SUPT6H: variants seen among roughly 807,000 people sequenced by gnomAD.
SUPT6H encodes the protein SPT6 homolog, histone chaperone and transcription elongation factor.
Under a neutral mutation model 222.3 loss-of-function variants are expected in SUPT6H, and 11 were observed. The ratio of observed to expected loss-of-function variants is 0.05; its 90% CI spans 0.03 to 0.08. SUPT6H has a LOEUF of 0.08. SUPT6H is among the 10% of genes least tolerant of loss of function. SUPT6H has a pLI of 1.00. For missense variants in SUPT6H, 1,422 were observed against 2,216.0 expected, an observed-to-expected ratio of 0.64 and a Z score of 7.19; for synonymous variants, 762 against 801.2, an observed-to-expected ratio of 0.95 and a Z score of 0.83.
At chr17:28,673,324 A>G (rs995369186) in intron 1 of SUPT6H, 47 bp from the exon 2 acceptor site, 1 of 1,190,486 alleles carries the variant, frequency 8.4e-7, no homozygotes, top group African/African-American at 1.5e-5. Flanking sequence ...AGCCCTCTGT[A>G]CAATCATGTG....
chr17:28,684,781 T>G, intron 18 of SUPT6H, 56 bp downstream of exon 18: 1 of 1,613,022 alleles, frequency 6.2e-7, no homozygotes, highest in Non-Finnish European at 8.5e-7. Context: ...AATTTCATTT[T>G]TCTCTCATTC....
Position 28,681,969 on chromosome 17 carries a change from G to A in SUPT6H, c.1586G>A (p.Ser529Asn), listed in dbSNP as rs1371202612. 4 of 1,604,694 alleles carry A rather than the reference G, an allele frequency of 2.5e-6. No individual in the cohort carries two copies. The highest frequency in any genetic ancestry group is 1.7e-4 in the Middle Eastern group (1 of 5,958). Residue 529 changes from serine (S) to asparagine (N), a missense_variant, in exon 13 of 37, where the codon AGT (serine) becomes AAT (asparagine). By Grantham distance (46) the Ser-to-Asn change is conservative. This residue lies in a region of SUPT6H where 389 missense variants were observed against 544.6 expected (regional missense o/e 0.71). Coordinates refer to ENST00000314616, the MANE Select transcript of SUPT6H (RefSeq NM_003170.5). ...CGAGACATGTACACCATCTGCCAGA[G>A]TGCTGGGCTAGGTAAAAGCTAGCTG... ...SRRDMYTICQ[S>N]AGLDGLAKKF...
chr17:28,684,732 G>A lies in SUPT6H; in HGVS notation c.2369+7G>A. ...TTGCTTTCTCCTCTGCCAGGTAACA[G>A]CCTATTTTTGCCTCCCCAGCACCAT... is the stretch of plus-strand genomic sequence containing the variant. On this transcript the variant is annotated splice_region_variant and intron_variant, in intron 18 of 36. Transcript: ENST00000314616. The A allele has an allele frequency of 6.2e-7, 1 of 1,614,138 alleles. No individual in the cohort carries two copies. The highest frequency in any genetic ancestry group is 1.3e-5 in the African/African-American group (1 of 75,064).
chr17:28,673,236 T>C (rs999264069), intron 1 of SUPT6H, 135 bp from the exon 2 acceptor site: 10 of 581,010 alleles, frequency 1.7e-5, no homozygotes, highest in Non-Finnish European at 3.1e-5. Flanking sequence ...GATTCTTCTT[T>C]TCTTCTCCCC....
chr17:28,697,339 G>T (rs903382430), intron 30 of SUPT6H, among the ~76,000 whole-genome samples: 2 of 152,132 alleles, frequency 1.3e-5, no homozygotes, highest in African/African-American at 4.8e-5. Flanking sequence ...ACATATATAC[G>T]CACACACATA....
chr17:28,671,873 C>T (rs934771786), intron 1 of SUPT6H, among the ~76,000 whole-genome samples: 1 of 152,202 alleles, frequency 6.6e-6, no homozygotes, highest in African/African-American at 2.4e-5. Flanking sequence ...GATATTCAGG[C>T]ATGTCCAATA....
At chr17:28,682,307 C>T (rs894247260) in intron 13 of SUPT6H, 1 of 298,482 alleles carries the variant, frequency 3.4e-6, no homozygotes, top group Non-Finnish European at 6.3e-6. Flanking sequence ...ACTACCTGGT[C>T]CTGCTCATTT....
intron 17 of SUPT6H, 107 bp from the exon 18 acceptor site, chr17:28,684,479 C>T (rs1426335121): frequency 2.3e-5 from 32 of 1,369,972 alleles, no homozygotes; most frequent in Middle Eastern, 2.0e-4. Context: ...CATAAGAGTA[C>T]ACACCCTCGC....
At chr17:28,667,492 T>C (rs758019087) in intron 1 of SUPT6H, among the ~76,000 whole-genome samples, 17 of 140,736 alleles carry the variant, frequency 1.2e-4, no homozygotes, top group East Asian at 2.1e-4. Context: ...TGTGTATATA[T>C]GTATATGTGT....
At chr17:28,673,688 T>C (rs2030567486) in intron 2 of SUPT6H, 178 bp downstream of exon 2, 2 of 584,496 alleles carry the variant, frequency 3.4e-6, no homozygotes, top group Non-Finnish European at 6.1e-6. Context: ...TGCCAGGCAC[T>C]AGGCCTGGAA....
In SUPT6H at chr17:28,677,583, T is replaced by C. The variant is rs550270149; in HGVS notation, c.898-132T>C. On this transcript the variant is annotated intron_variant, in intron 7 of 36. Coordinates refer to ENST00000314616, the MANE Select transcript of SUPT6H (RefSeq NM_003170.5). The stretch of plus-strand genomic sequence containing the variant: ...TGCTTATTTCATGCCAGAACAACAC[T>C]GGTATGGCATTTGTAGAACAATACT... 150 of 697,992 alleles carry C rather than the reference T, an allele frequency of 2.1e-4. 4 individuals carry two copies. Among genetic ancestry groups the C allele is most frequent in the South Asian group, 1.4e-3 (76 of 55,936 alleles). 43.2% of individuals were successfully genotyped at this position (697,992 alleles called of 1,614,324 possible).
At chr17:28,669,875 G>A (rs1396159329) in intron 1 of SUPT6H, among the ~76,000 whole-genome samples, 1 of 152,270 alleles carries the variant, frequency 6.6e-6, no homozygotes, top group Non-Finnish European at 1.5e-5. Flanking sequence ...GGCGGAGGTT[G>A]CAGCGAGCCA....
Position 28,683,605 on chromosome 17 carries a change from T to C in SUPT6H, c.2034-16T>C. 1 of 1,611,966 alleles carries C rather than the reference T, an allele frequency of 6.2e-7. No homozygotes were observed. Among genetic ancestry groups the C allele is most frequent in the Non-Finnish European group, 8.5e-7 (1 of 1,178,392 alleles). On this transcript the variant is annotated splice_polypyrimidine_tract_variant and intron_variant, in intron 16 of 36. Coordinates refer to ENST00000314616, the MANE Select transcript of SUPT6H (RefSeq NM_003170.5). ...TTTCTCCATTCCTGACACCATAGCT[T>C]TGTGTCTCTTCTCAGCTATGGCAAC...
intron 32 of SUPT6H, among the ~76,000 whole-genome samples, chr17:28,698,850 A>T (rs1330625739): frequency 6.6e-6 from 1 of 152,112 alleles, no homozygotes; most frequent in Non-Finnish European, 1.5e-5. Context: ...TTTCTTGAGA[A>T]GCCTGTTGAC....
At chr17:28,663,475 C>T (rs1187685576) in intron 1 of SUPT6H, among the ~76,000 whole-genome samples, 1 of 152,158 alleles carries the variant, frequency 6.6e-6, no homozygotes, top group Non-Finnish European at 1.5e-5. Flanking sequence ...TACAGTTCTT[C>T]CTCTGAAAGC....
intron 11 of SUPT6H, 90 bp from the exon 12 acceptor site, chr17:28,681,166 C>T (rs1379688929): frequency 3.5e-6 from 5 of 1,435,324 alleles, no homozygotes; most frequent in Non-Finnish European, 4.8e-6. Context: ...AGTTGGGATA[C>T]TGCCTTTTGG....
At chr17:28,665,070 A>G (rs1442538512) in intron 1 of SUPT6H, among the ~76,000 whole-genome samples, 1 of 152,166 alleles carries the variant, frequency 6.6e-6, no homozygotes, top group Non-Finnish European at 1.5e-5. Context: ...ACAGAATTGG[A>G]TCAGGGCAGA....
At chr17:28,677,423 T>A (rs2030820618) in intron 7 of SUPT6H, among the ~76,000 whole-genome samples, 1 of 151,324 alleles carries the variant, frequency 6.6e-6, no homozygotes. Context: ...CGGGCACCTA[T>A]GATCCTAGCT....
At chr17:28,677,591 C>A in intron 7 of SUPT6H, 124 bp from the exon 8 acceptor site, 1 of 717,690 alleles carries the variant, frequency 1.4e-6, no homozygotes, top group Non-Finnish European at 2.4e-6. Context: ...ACTGGTATGG[C>A]ATTTGTAGAA....
Sources: gnomAD v4.1 joint callset for allele counts (sites outside exome capture counted in the v4.1 genomes callset) on GRCh38, gnomAD v4.1.1 for gene constraint, gnomAD v4.1.1 regional missense constraint, MANE v1.5 for transcripts, NCBI Gene and HGNC (gene_info 2026-07-23, HGNC 2026-07-21) for gene names.